COL19A1: variants seen among roughly 807,000 people sequenced by gnomAD.
The protein encoded by COL19A1 is collagen alpha-1(XIX) chain.
In COL19A1, 159 loss-of-function variants were observed where a neutral mutation model predicts 190.2. That is an observed-to-expected ratio of 0.84 (90% CI 0.73 to 0.95). The LOEUF (loss-of-function observed/expected upper bound fraction) is 0.95, where lower values mean the gene tolerates loss of function less well. Ranked by LOEUF, COL19A1 falls within the 40% of genes least tolerant of loss-of-function variation. COL19A1 has a pLI of 0.00. For synonymous variants in COL19A1, 509 were observed against 458.9 expected, an observed-to-expected ratio of 1.11 and a Z score of -1.39; for missense variants, 1,418 against 1,431.9, an observed-to-expected ratio of 0.99 and a Z score of 0.16.
At chr6:69,930,583 C>T (rs1481353477) in intron 6 of COL19A1, among the ~76,000 whole-genome samples, 1 of 151,966 alleles carries the variant, frequency 6.6e-6, no homozygotes, top group East Asian at 1.9e-4. Context: ...CTTTGGGAGG[C>T]CGAGGTGGGC....
Position 70,199,665 on chromosome 6 carries a change from A to C in COL19A1, c.3152A>C (p.Gln1051Pro), listed in dbSNP as rs561793350. The change falls in exon 49 of 51, where the codon CAA (glutamine) becomes CCA (proline). Residue 1051 changes from glutamine (Q) to proline (P), a missense_variant. Coordinates refer to ENST00000620364, the MANE Select transcript of COL19A1 (RefSeq NM_001858.6). ...CTGCCAGCAGCAATGTTGGCTGCCC[A>C]AGCTTATGGGAGACCTGGGCCACCA... ...LKLPAAMLAA[Q>P]AYGRPGPPGK... 2.5e-5 allele frequency: 41 copies of C among 1,609,286 alleles called. No individual in the cohort carries two copies. In the Admixed American group the frequency reaches 6.0e-4, roughly 24 times the overall value.
intron 18 of COL19A1, among the ~76,000 whole-genome samples, chr6:70,136,545 G>T (rs187602849): frequency 2.0e-5 from 3 of 152,204 alleles, no homozygotes; most frequent in Admixed American, 2.0e-4. Context: ...TTATTTATGA[G>T]ATAAAGCTAT....
chr6:70,010,834 A>G (rs1777968657), intron 11 of COL19A1, among the ~76,000 whole-genome samples: 1 of 122,824 alleles, frequency 8.1e-6, no homozygotes, highest in African/African-American at 4.0e-5. Context: ...GCAGCCAGGA[A>G]GCTCAAACTG....
chr6:70,025,393 T>C (rs1778680811), intron 12 of COL19A1, among the ~76,000 whole-genome samples: 1 of 152,230 alleles, frequency 6.6e-6, no homozygotes, highest in Admixed American at 6.5e-5. Context: ...CAAAGAGTTA[T>C]TAAGATTATA....
rs574229578 is a variant in COL19A1, at chr6:70,155,915, A to G, written c.2080-212A>G. ...TTAAAAATAAAAGTTCATCAATATC[A>G]TAAACAGATATCACTGATGAGCTTT... is the stretch of plus-strand genomic sequence containing the variant. On this transcript the variant is annotated intron_variant, in intron 31 of 50. Coordinates refer to ENST00000620364, the MANE Select transcript of COL19A1 (RefSeq NM_001858.6). Among the ~76,000 whole-genome samples, 9 of 152,296 alleles carry G rather than the reference A, an allele frequency of 5.9e-5. No homozygotes were observed. In the South Asian group the frequency reaches 1.2e-3, roughly 21 times the overall value.
At chr6:70,009,234 T>C (rs776273783) in intron 11 of COL19A1, among the ~76,000 whole-genome samples, 1 of 152,034 alleles carries the variant, frequency 6.6e-6, no homozygotes, top group Non-Finnish European at 1.5e-5. Context: ...TTAGATGGTA[T>C]AATCTTATAT....
Position 70,211,497 on chromosome 6 carries a change from C to T in COL19A1, c.*4223C>T, listed in dbSNP as rs1768206191. On this transcript the variant is annotated 3_prime_UTR_variant, in exon 51 of 51. Coordinates refer to ENST00000620364, the MANE Select transcript of COL19A1 (RefSeq NM_001858.6). Reference sequence around the variant, plus strand: ...CCATCCCCCTTTTGTACCATCTCTGCTCACAAAGATTATATGCAGGCTTTG... The same window carrying T: ...CCATCCCCCTTTTGTACCATCTCTGTTCACAAAGATTATATGCAGGCTTTG... Among the ~76,000 whole-genome samples, 1 of 150,588 alleles carries T rather than the reference C, an allele frequency of 6.6e-6. No individual in the cohort carries two copies. The highest frequency in any genetic ancestry group is 1.5e-5 in the Non-Finnish European group (1 of 67,720).
intron 14 of COL19A1, 119 bp from the exon 15 acceptor site, chr6:70,068,304 C>G: frequency 1.4e-6 from 1 of 731,688 alleles, no homozygotes. Flanking sequence ...CTTGAAAGAG[C>G]TCAAATTACT....
At chr6:70,107,335 T>A (rs1582927629) in intron 16 of COL19A1, among the ~76,000 whole-genome samples, 1 of 152,158 alleles carries the variant, frequency 6.6e-6, no homozygotes, top group Non-Finnish European at 1.5e-5. Flanking sequence ...AGGATGGCGG[T>A]GAGGAACTTA....
intron 15 of COL19A1, among the ~76,000 whole-genome samples, chr6:70,074,498 C>CAAAAAA (rs368408394): frequency 0.052 from 5,070 of 96,714 alleles, 170 homozygotes; most frequent in Admixed American, 0.073. Flanking sequence ...GACTCCACCT[C>CAAAAAA]AAAAAAAAAA....
intron 15 of COL19A1, among the ~76,000 whole-genome samples, chr6:70,071,236 A>G (rs1217637963): frequency 1.4e-5 from 2 of 146,678 alleles, no homozygotes; most frequent in Admixed American, 7.0e-5. Context: ...ATTATGAAAG[A>G]CATAGGATTC....
At chr6:70,161,219 A>G (rs1787780722) in intron 34 of COL19A1, among the ~76,000 whole-genome samples, 1 of 152,188 alleles carries the variant, frequency 6.6e-6, no homozygotes, top group Non-Finnish European at 1.5e-5. Context: ...ACAAGCTAAA[A>G]TAAATATTAT....
intron 14 of COL19A1, among the ~76,000 whole-genome samples, chr6:70,058,520 A>C (rs988729443): frequency 1.3e-5 from 2 of 151,988 alleles, no homozygotes; most frequent in African/African-American, 4.8e-5. Context: ...TGTGGAAGAG[A>C]CGCTAGTGTT....
At chr6:69,980,757 A>G (rs772365358) in intron 11 of COL19A1, among the ~76,000 whole-genome samples, 1 of 152,214 alleles carries the variant, frequency 6.6e-6, no homozygotes, top group Admixed American at 6.5e-5. Flanking sequence ...GCTAGTAAAC[A>G]TGTGTAAGGC....
chr6:70,192,032 G>GA (rs1766904586), intron 48 of COL19A1, among the ~76,000 whole-genome samples: 1 of 148,336 alleles, frequency 6.7e-6, no homozygotes, highest in Non-Finnish European at 1.5e-5. Flanking sequence ...TGACAAAACA[G>GA]AAAAAAATGG....
intron 2 of COL19A1, among the ~76,000 whole-genome samples, chr6:69,881,742 G>A (rs780586951): frequency 2.6e-5 from 4 of 152,196 alleles, no homozygotes; most frequent in Admixed American, 6.5e-5. Flanking sequence ...AAAAAATTAC[G>A]TTTGTTTTTA....
chr6:70,104,595 A>G (rs1783839119), intron 16 of COL19A1, among the ~76,000 whole-genome samples: 1 of 152,220 alleles, frequency 6.6e-6, no homozygotes, highest in Non-Finnish European at 1.5e-5. Context: ...CCATATCAGT[A>G]TGCTAGAATC....
chr6:69,984,919 T>A (rs1776234718), intron 11 of COL19A1, among the ~76,000 whole-genome samples: 1 of 152,176 alleles, frequency 6.6e-6, no homozygotes, highest in African/African-American at 2.4e-5. Context: ...ATTTTCTTCA[T>A]TTTAAAGAAA....
intron 14 of COL19A1, among the ~76,000 whole-genome samples, chr6:70,044,637 A>G (rs976987644): frequency 2.0e-5 from 3 of 152,202 alleles, no homozygotes; most frequent in Non-Finnish European, 4.4e-5. Flanking sequence ...AGGGAGAGAG[A>G]CAGAGAAATG....
Sources: gnomAD v4.1 joint callset for allele counts (sites outside exome capture counted in the v4.1 genomes callset) on GRCh38, gnomAD v4.1.1 for gene constraint, MANE v1.5 for transcripts, NCBI Gene and HGNC (gene_info 2026-07-23, HGNC 2026-07-21) for gene names.